FMNL2: variants seen among roughly 807,000 people sequenced by gnomAD.
FMNL2 encodes the protein formin like 2.
A neutral mutation model predicts 130.2 loss-of-function variants in FMNL2; 51 were observed. The ratio of observed to expected loss-of-function variants is 0.39; its 90% confidence interval spans 0.31 to 0.49. FMNL2 has a LOEUF of 0.49. FMNL2 is among the 20% of genes least tolerant of loss of function. The probability of loss-of-function intolerance (pLI) is 0.85; values close to 1 mark genes in which losing one functional copy is unlikely to be tolerated. For synonymous variants in FMNL2, 465 were observed against 467.1 expected, an observed-to-expected ratio of 1.00 and a Z score of 0.06; for missense variants, 977 against 1,316.2, an observed-to-expected ratio of 0.74 and a Z score of 3.99.
At chr2:152,609,450 CATATA>C (rs1347041462) in intron 10 of FMNL2, among the ~76,000 whole-genome samples, 10 of 152,174 alleles carry the variant, frequency 6.6e-5, no homozygotes, top group African/African-American at 2.2e-4. Flanking sequence ...TTCCTCATAA[CATATA>C]ATATAAATTT....
At chr2:152,372,061 T>C (rs1003689844) in intron 1 of FMNL2, among the ~76,000 whole-genome samples, 3 of 152,212 alleles carry the variant, frequency 2.0e-5, no homozygotes, top group South Asian at 2.1e-4. Context: ...ACACTACAGC[T>C]TCTTTAAGCT....
chr2:152,454,335 T>A (rs1266185941), intron 1 of FMNL2, among the ~76,000 whole-genome samples: 3 of 152,158 alleles, frequency 2.0e-5, no homozygotes, highest in Non-Finnish European at 4.4e-5. Context: ...TGAAATAAAG[T>A]GGCAAATATG....
intron 25 of FMNL2, chr2:152,645,326 C>A: frequency 2.1e-6 from 1 of 482,428 alleles, no homozygotes; most frequent in Non-Finnish European, 3.6e-6. Flanking sequence ...TTCTCTTCCT[C>A]TGTTGGCTAA....
chr2:152,478,001 C>T (rs1241234698), intron 1 of FMNL2, among the ~76,000 whole-genome samples: 1 of 151,766 alleles, frequency 6.6e-6, no homozygotes, highest in Non-Finnish European at 1.5e-5. Flanking sequence ...CATCTAAACA[C>T]TATTATTGAT....
intron 1 of FMNL2, among the ~76,000 whole-genome samples, chr2:152,336,076 A>C (rs1425272301): frequency 7.5e-6 from 1 of 133,122 alleles, no homozygotes; most frequent in Admixed American, 7.6e-5. Context: ...CGAGCCGCTT[A>C]GGCTTTTTTT....
intron 1 of FMNL2, among the ~76,000 whole-genome samples, chr2:152,464,090 G>A (rs1033049968): frequency 1.3e-5 from 2 of 152,080 alleles, no homozygotes; most frequent in African/African-American, 4.8e-5. Context: ...ATGCAACGAT[G>A]CCTGGCTAAT....
chr2:152,588,520 T>C (rs558343339), intron 9 of FMNL2, among the ~76,000 whole-genome samples: 3 of 152,270 alleles, frequency 2.0e-5, no homozygotes, highest in Non-Finnish European at 2.9e-5. Flanking sequence ...AGATTATCTT[T>C]TTATTGTATA....
chr2:152,398,949 G>A (rs558560811), intron 1 of FMNL2, among the ~76,000 whole-genome samples: 8 of 152,316 alleles, frequency 5.3e-5, no homozygotes, highest in African/African-American at 1.9e-4. Context: ...TTTGAGCTGG[G>A]CATAGAAGGA....
At chr2:152,578,836 T>C in intron 7 of FMNL2, 52 bp from the exon 8 acceptor site, 1 of 1,501,272 alleles carries the variant, frequency 6.7e-7, no homozygotes, top group Non-Finnish European at 9.1e-7. Context: ...GACAGTTCCC[T>C]AACTTGTCTC....
At chr2:152,499,123 T>C (rs769560385) in intron 1 of FMNL2, among the ~76,000 whole-genome samples, 6 of 152,208 alleles carry the variant, frequency 3.9e-5, no homozygotes, top group African/African-American at 1.4e-4. Flanking sequence ...TGGTCAGCTA[T>C]GTTTTCTGTG....
At chr2:152,567,110 T>A (rs564776243) in intron 6 of FMNL2, among the ~76,000 whole-genome samples, 2 of 152,310 alleles carry the variant, frequency 1.3e-5, no homozygotes, top group East Asian at 3.9e-4. Flanking sequence ...ATAGAAATAT[T>A]TCCATTTAAA....
chr2:152,606,629 CTTTTTTT>C (rs70974875), intron 9 of FMNL2, among the ~76,000 whole-genome samples: 10 of 105,472 alleles, frequency 9.5e-5, no homozygotes, highest in African/African-American at 2.8e-4. Flanking sequence ...TTTTTTGACT[CTTTTTTT>C]TTTTTTTTTT....
chr2:152,645,948 C>T (rs887520892), intron 25 of FMNL2, among the ~76,000 whole-genome samples: 3 of 152,164 alleles, frequency 2.0e-5, no homozygotes, highest in Non-Finnish European at 2.9e-5. Flanking sequence ...AAGTGTAATT[C>T]TGGCCTTTCA....
intron 1 of FMNL2, among the ~76,000 whole-genome samples, chr2:152,423,771 C>T (rs1462251866): frequency 6.6e-6 from 1 of 152,012 alleles, no homozygotes; most frequent in African/African-American, 2.4e-5. Flanking sequence ...GGTCCCTTAC[C>T]TGAGGGAGTT....
At chr2:152,585,778 A>G (rs1490977632) in intron 9 of FMNL2, among the ~76,000 whole-genome samples, 1 of 152,174 alleles carries the variant, frequency 6.6e-6, no homozygotes, top group African/African-American at 2.4e-5. Flanking sequence ...ACTACGCTTC[A>G]TCTCATTACC....
chr2:152,363,303 A>T (rs1246183761), intron 1 of FMNL2, among the ~76,000 whole-genome samples: 1 of 152,236 alleles, frequency 6.6e-6, no homozygotes, highest in Non-Finnish European at 1.5e-5. Flanking sequence ...TTGGATTATA[A>T]CTAAATGGAA....
At chr2:152,467,023 A>G (rs1298046836) in intron 1 of FMNL2, among the ~76,000 whole-genome samples, 1 of 152,150 alleles carries the variant, frequency 6.6e-6, no homozygotes. Flanking sequence ...TTATAGCCAG[A>G]GGGCTGAGTG....
intron 3 of FMNL2, among the ~76,000 whole-genome samples, chr2:152,543,729 CAAAAAAA>C (rs71394490): frequency 3.3e-5 from 2 of 61,394 alleles, no homozygotes; most frequent in Non-Finnish European, 5.5e-5. Flanking sequence ...ACCCCCCGAC[CAAAAAAA>C]AAAAAAAAAA....
intron 23 of FMNL2, 46 bp downstream of exon 23, chr2:152,637,720 C>T: frequency 6.5e-7 from 1 of 1,539,830 alleles, no homozygotes; most frequent in Admixed American, 1.7e-5. Flanking sequence ...AGCAATTGCC[C>T]TCCTTGAGAT....
Sources: gnomAD v4.1 joint callset for allele counts (sites outside exome capture counted in the v4.1 genomes callset) on GRCh38, gnomAD v4.1.1 for gene constraint, MANE v1.5 for transcripts, NCBI Gene and HGNC (gene_info 2026-07-23, HGNC 2026-07-21) for gene names.